Variants in B3GALT1 observed in about 807,000 individuals in gnomAD.
B3GALT1 encodes beta-1,3-galactosyltransferase 1.
B3GALT1 carries 10 observed loss-of-function variants against 23.2 expected under a neutral mutation model. The ratio of observed to expected loss-of-function variants is 0.43; its 90% CI spans 0.27 to 0.73. The LOEUF is 0.73. B3GALT1 is among the 30% of genes least tolerant of loss of function. The probability of loss-of-function intolerance (pLI) is 0.21; values close to 1 mark genes in which losing one functional copy is unlikely to be tolerated. For missense variants in B3GALT1, 299 were observed against 405.4 expected (o/e 0.74, Z 2.25); for synonymous variants, 156 against 141.5 (o/e 1.10, Z -0.73).
At chr2:167,579,886 A>G (rs1558913643) in intron 2 of B3GALT1, among the ~76,000 whole-genome samples, 1 of 152,154 alleles carries the variant, frequency 6.6e-6, no homozygotes, top group African/African-American at 2.4e-5. Context: ...TGTAGAGACT[A>G]GATTTTTAAA....
At chr2:167,545,023 C>CTTT (rs869066627) in intron 2 of B3GALT1, among the ~76,000 whole-genome samples, 6,087 of 54,230 alleles carry the variant, frequency 0.11, 1,600 homozygotes, top group East Asian at 0.14. Context: ...GCTTGGGTGT[C>CTTT]TTTTTTTTTT....
At chr2:167,837,458 A>G (rs1169069959) in intron 4 of B3GALT1, among the ~76,000 whole-genome samples, 6 of 151,918 alleles carry the variant, frequency 3.9e-5, no homozygotes, top group Non-Finnish European at 7.4e-5. Context: ...AAAGGGATCA[A>G]TTCCACAAGA....
At chr2:167,407,026 G>T (rs1698291135) in intron 1 of B3GALT1, among the ~76,000 whole-genome samples, 1 of 23,874 alleles carries the variant, frequency 4.2e-5, no homozygotes, top group Non-Finnish European at 3.4e-4. Flanking sequence ...TCAACCCACT[G>T]CCACAGAATA....
chr2:167,418,042 G>T (rs1369269140), intron 1 of B3GALT1, among the ~76,000 whole-genome samples: 2 of 152,156 alleles, frequency 1.3e-5, no homozygotes, highest in African/African-American at 2.4e-5. Flanking sequence ...GGCAGACTTT[G>T]GTCATAGTTT....
intron 2 of B3GALT1, among the ~76,000 whole-genome samples, chr2:167,562,683 G>A (rs1332301273): frequency 3.1e-4 from 47 of 150,822 alleles, no homozygotes; most frequent in African/African-American, 9.8e-4. Flanking sequence ...TCATTCTTGG[G>A]TGTTTCTCGC....
At chr2:167,401,342 C>G (rs1035814522) in intron 1 of B3GALT1, among the ~76,000 whole-genome samples, 1 of 152,064 alleles carries the variant, frequency 6.6e-6, no homozygotes, top group African/African-American at 2.4e-5. Context: ...CTTGGATTCT[C>G]TGAGTTTAGC....
chr2:167,631,769 CTTT>C (rs558837779), intron 2 of B3GALT1, among the ~76,000 whole-genome samples: 68 of 120,586 alleles, frequency 5.6e-4, no homozygotes, highest in African/African-American at 1.6e-3. Context: ...CTTTTCTTTT[CTTT>C]TTTTTTTTTT....
intron 1 of B3GALT1, among the ~76,000 whole-genome samples, chr2:167,486,255 A>G (rs1216090923): frequency 2.7e-5 from 4 of 150,488 alleles, no homozygotes; most frequent in Non-Finnish European, 5.9e-5. Context: ...GCTACTCAGG[A>G]GGCTGAGGCA....
intron 4 of B3GALT1, among the ~76,000 whole-genome samples, chr2:167,820,128 A>G (rs1436832191): frequency 6.6e-6 from 1 of 152,236 alleles, no homozygotes; most frequent in African/African-American, 2.4e-5. Context: ...ACTTTTGAGA[A>G]CAGCTTTATG....
At chr2:167,816,698 A>T (rs1688998080) in intron 3 of B3GALT1, among the ~76,000 whole-genome samples, 1 of 152,214 alleles carries the variant, frequency 6.6e-6, no homozygotes, top group African/African-American at 2.4e-5. Flanking sequence ...GAAATGTTTT[A>T]AAAATATCGT....
chr2:167,852,860 A>T (rs1391164612), intron 4 of B3GALT1, among the ~76,000 whole-genome samples: 1 of 152,180 alleles, frequency 6.6e-6, no homozygotes, highest in East Asian at 1.9e-4. Flanking sequence ...ATTTACTCAG[A>T]TTATTTCTTC....
intron 1 of B3GALT1, among the ~76,000 whole-genome samples, chr2:167,475,521 A>G (rs1286061791): frequency 6.6e-6 from 1 of 152,114 alleles, no homozygotes; most frequent in Non-Finnish European, 1.5e-5. Context: ...CTATTAGTGA[A>G]ATTGTGAAGA....
chr2:167,551,809 C>T (rs1683752898), intron 2 of B3GALT1, among the ~76,000 whole-genome samples: 1 of 152,004 alleles, frequency 6.6e-6, no homozygotes, highest in African/African-American at 2.4e-5. Flanking sequence ...TTGGACCAGA[C>T]CGAAGTAGAT....
intron 4 of B3GALT1, among the ~76,000 whole-genome samples, chr2:167,854,513 A>G (rs1689963026): frequency 1.3e-5 from 2 of 152,280 alleles, no homozygotes; most frequent in South Asian, 2.1e-4. Context: ...AAATTCTATC[A>G]TAGCTGCTTC....
intron 2 of B3GALT1, among the ~76,000 whole-genome samples, chr2:167,624,870 A>G (rs895274009): frequency 5.3e-5 from 8 of 152,056 alleles, no homozygotes; most frequent in Non-Finnish European, 1.2e-4. Flanking sequence ...AGCTATAATT[A>G]ACTACTTTAT....
chr2:167,807,850 G>A (rs1312703937), intron 3 of B3GALT1, among the ~76,000 whole-genome samples: 1 of 152,214 alleles, frequency 6.6e-6, no homozygotes, highest in Non-Finnish European at 1.5e-5. Context: ...GCAGAGCTGA[G>A]TTCAATTCCT....
intron 3 of B3GALT1, among the ~76,000 whole-genome samples, chr2:167,749,234 T>C (rs1687696769): frequency 6.6e-6 from 1 of 152,180 alleles, no homozygotes; most frequent in Non-Finnish European, 1.5e-5. Flanking sequence ...TAAAGGACTA[T>C]TGAGCAAAAA....
intron 2 of B3GALT1, among the ~76,000 whole-genome samples, chr2:167,537,134 A>G (rs940781435): frequency 2.0e-5 from 3 of 152,156 alleles, no homozygotes; most frequent in Admixed American, 1.3e-4. Context: ...CCTCACAATC[A>G]TGGCAGAAGT....
At chr2:167,355,728 GT>G (rs1253850050) in intron 1 of B3GALT1, among the ~76,000 whole-genome samples, 4 of 151,524 alleles carry the variant, frequency 2.6e-5, no homozygotes, top group Non-Finnish European at 5.9e-5. Context: ...AATCCATTGT[GT>G]TTTTTTTAGA....
Sources: gnomAD v4.1 joint callset for allele counts (sites outside exome capture counted in the v4.1 genomes callset) on GRCh38, gnomAD v4.1.1 for gene constraint, MANE v1.5 for transcripts, NCBI Gene and HGNC (gene_info 2026-07-23, HGNC 2026-07-21) for gene names.